The following NPAS3 variants were observed in gnomAD, a reference collection of about 807,000 sequenced individuals.
The protein encoded by NPAS3 is neuronal PAS domain protein 3, also known as neuronal PAS domain-containing protein 3.
In NPAS3, 14 loss-of-function variants were observed where a neutral mutation model predicts 73.1. The ratio of observed to expected loss-of-function variants is 0.19; its 90% CI spans 0.13 to 0.30. The LOEUF (loss-of-function observed/expected upper bound fraction) is 0.30. Among genes scored for constraint, NPAS3 ranks in the 10% least tolerant of loss-of-function variants. NPAS3 has a pLI of 1.00. For missense variants in NPAS3, 1,096 were observed against 1,250.0 expected (o/e 0.88, Z 1.86); for synonymous variants, 620 against 541.5 (o/e 1.14, Z -2.01).
At chr14:33,299,543 G>A (rs558115726) in intron 3 of NPAS3, among the ~76,000 whole-genome samples, 1 of 152,260 alleles carries the variant, frequency 6.6e-6, no homozygotes, top group Admixed American at 6.5e-5. Flanking sequence ...AGATCTTGCA[G>A]ACAGAATTTG....
intron 6 of NPAS3, among the ~76,000 whole-genome samples, chr14:33,706,841 C>G (rs2060669291): frequency 6.6e-6 from 1 of 152,152 alleles, no homozygotes; most frequent in South Asian, 2.1e-4. Context: ...TCCCCTGGCT[C>G]CGTCTCACGT....
rs1057041683 is a variant in NPAS3 at position 33,673,421 on chromosome 14, GTATTGT to G, written c.559-2781_559-2776del. On this transcript the variant is annotated intron_variant, in intron 5 of 11. Transcript: ENST00000356141. ...TTTTGCACATAGTGGATAACTGCCA[GTATTGT>G]TATTGTTAAGGCTGAAAGCATGTAT... Among the ~76,000 whole-genome samples the G allele has an allele frequency of 1.1e-4, 17 of 152,324 alleles. 1 individual carries two copies. The highest frequency in any genetic ancestry group is 4.1e-4 in the African/African-American group (17 of 41,572).
At chr14:33,463,259 A>G (rs1374243055) in intron 4 of NPAS3, among the ~76,000 whole-genome samples, 1 of 152,220 alleles carries the variant, frequency 6.6e-6, no homozygotes, top group Non-Finnish European at 1.5e-5. Context: ...CTAAGTAGCC[A>G]TCATCCAACC....
intron 3 of NPAS3, among the ~76,000 whole-genome samples, chr14:33,282,162 T>G (rs1200194409): frequency 6.6e-6 from 1 of 152,236 alleles, no homozygotes; most frequent in Non-Finnish European, 1.5e-5. Context: ...AAAAACTGAC[T>G]TTCTCCTTAT....
chr14:32,946,481 A>G (rs1411139800), intron 1 of NPAS3, among the ~76,000 whole-genome samples: 1 of 152,020 alleles, frequency 6.6e-6, no homozygotes, highest in Admixed American at 6.6e-5. Context: ...CAGTTCTTTA[A>G]CAAAAGCTGT....
At chr14:33,565,205 A>T (rs1595166669) in intron 5 of NPAS3, among the ~76,000 whole-genome samples, 1 of 152,168 alleles carries the variant, frequency 6.6e-6, no homozygotes, top group African/African-American at 2.4e-5. Flanking sequence ...ATGCAGATAT[A>T]TTTGCCATAA....
chr14:33,106,722 T>C (rs2042733006), intron 2 of NPAS3, among the ~76,000 whole-genome samples: 1 of 152,276 alleles, frequency 6.6e-6, no homozygotes, highest in Non-Finnish European at 1.5e-5. Flanking sequence ...GAGGCAGATA[T>C]TAATGATCTA....
At chr14:33,785,004 C>T (rs1312776779) in intron 9 of NPAS3, among the ~76,000 whole-genome samples, 2 of 151,524 alleles carry the variant, frequency 1.3e-5, no homozygotes, top group African/African-American at 4.8e-5. Flanking sequence ...CCTACCTGGG[C>T]CTCCCAACGG....
At chr14:33,716,477 T>A (rs1205651897) in intron 6 of NPAS3, among the ~76,000 whole-genome samples, 5 of 152,202 alleles carry the variant, frequency 3.3e-5, no homozygotes, top group Admixed American at 2.6e-4. Flanking sequence ...AAAATATACA[T>A]GACATAAAAG....
At chr14:33,533,202 C>A (rs1052715484) in intron 4 of NPAS3, among the ~76,000 whole-genome samples, 1 of 151,706 alleles carries the variant, frequency 6.6e-6, no homozygotes, top group African/African-American at 2.4e-5. Context: ...CAAAAGATAC[C>A]GTAAATAAAA....
intron 2 of NPAS3, among the ~76,000 whole-genome samples, chr14:33,116,545 T>C (rs1454799294): frequency 2.0e-5 from 3 of 152,202 alleles, no homozygotes; most frequent in Non-Finnish European, 4.4e-5. Flanking sequence ...TGCTATATTA[T>C]AGCAATGCTA....
intron 2 of NPAS3, among the ~76,000 whole-genome samples, chr14:33,131,659 C>T (rs2139110453): frequency 6.6e-6 from 1 of 152,138 alleles, no homozygotes. Flanking sequence ...TCATCCTAGC[C>T]CTGCTGCTCG....
chr14:33,405,276 C>T (rs2047616295), intron 4 of NPAS3, among the ~76,000 whole-genome samples: 1 of 151,892 alleles, frequency 6.6e-6, no homozygotes, highest in Admixed American at 6.6e-5. Context: ...TGTTTTAATC[C>T]CTTTAGGCAG....
Position 33,799,160 on chromosome 14 carries a change from A to G in NPAS3, c.1427-574A>G, listed in dbSNP as rs549626708. On this transcript the variant is annotated intron_variant, in intron 11 of 11. Transcript: ENST00000356141. ...ACCCTGCCAAAAATAATAATAATAA[A>G]TAATAAAAATAAAGATATACAGTGA... 7.9e-5 allele frequency among the ~76,000 whole-genome samples: 12 copies of G among 152,178 alleles called. No homozygotes were observed. The South Asian group carries it at 2.5e-3, about 32-fold the overall frequency.
At chr14:32,984,193 T>C (rs2038010540) in intron 1 of NPAS3, among the ~76,000 whole-genome samples, 2 of 152,370 alleles carry the variant, frequency 1.3e-5, no homozygotes, top group African/African-American at 4.8e-5. Flanking sequence ...TGACCTGTTA[T>C]AGTGCCTCAA....
intron 5 of NPAS3, among the ~76,000 whole-genome samples, chr14:33,591,871 G>T (rs1424785847): frequency 6.6e-6 from 1 of 152,142 alleles, no homozygotes; most frequent in Non-Finnish European, 1.5e-5. Flanking sequence ...AACAATCTGT[G>T]GCCCAGTTGC....
chr14:33,220,823 A>G (rs1331865799), intron 3 of NPAS3, among the ~76,000 whole-genome samples: 1 of 152,178 alleles, frequency 6.6e-6, no homozygotes, highest in African/African-American at 2.4e-5. Flanking sequence ...GCTTGTCACT[A>G]TTGTTTTCAG....
chr14:33,308,958 TTAGA>T (rs2042894566), intron 3 of NPAS3, among the ~76,000 whole-genome samples: 1 of 152,154 alleles, frequency 6.6e-6, no homozygotes, highest in African/African-American at 2.4e-5. Flanking sequence ...ACGTAGTTTC[TTAGA>T]TGGAGAAATT....
At chr14:33,142,566 A>T (rs2044094107) in intron 2 of NPAS3, among the ~76,000 whole-genome samples, 1 of 152,222 alleles carries the variant, frequency 6.6e-6, no homozygotes, top group South Asian at 2.1e-4. Flanking sequence ...GTAAGGGAAA[A>T]AAAACTTTGT....
Sources: allele counts gnomAD v4.1 joint callset (sites outside exome capture counted in the v4.1 genomes callset), GRCh38; gene constraint gnomAD v4.1.1; transcripts MANE v1.5; gene names NCBI Gene and HGNC (gene_info 2026-07-23, HGNC 2026-07-21).